OLFM1: variants seen among roughly 807,000 people sequenced by gnomAD.
OLFM1 encodes noelin.
OLFM1 carries 9 observed loss-of-function variants against 49.7 expected under a neutral mutation model. The ratio of observed to expected loss-of-function variants is 0.18; its 90% CI spans 0.11 to 0.32. The LOEUF (loss-of-function observed/expected upper bound fraction) is 0.32, where lower values mean the gene tolerates loss of function less well. Among genes scored for constraint, OLFM1 ranks in the 10% least tolerant of loss-of-function variants. The pLI, the probability that OLFM1 is intolerant of heterozygous loss-of-function variation, is 1.00. For missense variants in OLFM1, 369 were observed against 661.8 expected (o/e 0.56, Z 4.85); for synonymous variants, 240 against 271.8 (o/e 0.88, Z 1.15).
rs1830832101 is a variant in OLFM1, at chr9:135,098,722, G to A, written c.676+217G>A. On this transcript the variant is annotated intron_variant, in intron 4 of 5. Transcript: ENST00000371793. This position sits in a 1 kb window ranked among gnomAD's most constrained non-coding sequence, Gnocchi z 5.6. ...TGTTCAGAGCCGGGTCTTGTGCAGA[G>A]GCCACAGACCCCGCTGAGTCGCACA... 6.6e-6 allele frequency among the ~76,000 whole-genome samples: 1 copy of A among 152,180 alleles called. No individual in the cohort carries two copies. Among genetic ancestry groups the A allele is most frequent in the South Asian group, 2.1e-4 (1 of 4,830 alleles).
chr9:135,112,193 A>G (rs1372233825), intron 5 of OLFM1, among the ~76,000 whole-genome samples: 3 of 149,876 alleles, frequency 2.0e-5, no homozygotes, highest in East Asian at 2.0e-4. Context: ...AGGGAGGGAC[A>G]TGCACTGGCC....
exon 1 of OLFM1, chr9:135,075,565 C>G (rs1830451426): frequency 2.1e-6 from 1 of 487,532 alleles, no homozygotes; most frequent in Admixed American, 4.5e-5. Flanking sequence ...CAGCAGAGCC[C>G]GCGCGCCGCC....
chr9:135,115,737 T>C (rs904068278), intron 5 of OLFM1, among the ~76,000 whole-genome samples: 2 of 152,240 alleles, frequency 1.3e-5, no homozygotes, highest in Non-Finnish European at 2.9e-5. Flanking sequence ...AGCTCAGGGT[T>C]TGGAGTCCCC....
In OLFM1 at chr9:135,090,201, C is replaced by T. The variant is rs374162661; in HGVS notation, c.157C>T (p.Pro53Ser). ...GTLDRSTGVL[P>S]TNPEESWQVY... is the part of the protein sequence containing the mutation. ...CCGCCCCGCCCCTCTCCAGGTGCTG[C>T]CCACCAACCCTGAGGAGAGCTGGCA... The change falls in exon 2 of 6, where the codon CCC (proline) becomes TCC (serine). Residue 53 changes from proline to serine, a missense_variant. This residue lies in a region of OLFM1 where 55 missense variants were observed against 53.3 expected (regional missense o/e 1.03). Coordinates refer to ENST00000371793, the MANE Select transcript of OLFM1 (RefSeq NM_001282611.2). 17 of 1,606,650 alleles carry T rather than the reference C, an allele frequency of 1.1e-5. No individual in the cohort carries two copies. Among genetic ancestry groups the T allele is most frequent in the Non-Finnish European group, 1.4e-5 (16 of 1,174,294 alleles).
At chr9:135,097,085 A>G (rs2769628) in intron 3 of OLFM1, among the ~76,000 whole-genome samples, 61,256 of 152,066 alleles carry the variant, frequency 0.4, 12,867 homozygotes, top group East Asian at 0.56. Context: ...TCGCCCGACT[A>G]GAAACTGCTG....
intron 1 of OLFM1, chr9:135,076,946 G>T (rs987782146): frequency 1.9e-6 from 3 of 1,550,638 alleles, no homozygotes; most frequent in Non-Finnish European, 2.6e-6. Flanking sequence ...TGCCCAGGAT[G>T]TGCAGTCCAA....
At chr9:135,097,677 G>T in intron 3 of OLFM1, 1 of 935,896 alleles carries the variant, frequency 1.1e-6, no homozygotes, top group Non-Finnish European at 1.8e-6. Flanking sequence ...ATTACAGTGG[G>T]ATTTTTCTAA....
rs997110139 is a variant in OLFM1 at position 135,098,467 on chromosome 9, A to G, written c.638A>G (p.Asn213Ser). The part of the protein sequence containing the change: ...DYDELQSRVS[N>S]LEERLRACMQ... ...GATGAACTTCAGAGCAGAGTGTCCAATCTTGAAGAAAGGCTCCGTGCATGC... is the reference window on the plus strand; with the variant it reads ...GATGAACTTCAGAGCAGAGTGTCCAGTCTTGAAGAAAGGCTCCGTGCATGC... The change falls in exon 4 of 6, where the codon AAT becomes AGT. Residue 213 changes from asparagine to serine, a missense_variant. Asn to Ser is a conservative substitution (Grantham distance 46). Coordinates refer to ENST00000371793, the MANE Select transcript of OLFM1 (RefSeq NM_001282611.2). This position sits in a 1 kb window ranked among gnomAD's most constrained non-coding sequence, Gnocchi z 5.6. 1 of 1,613,806 alleles carries G rather than the reference A, an allele frequency of 6.2e-7. No homozygotes were observed. The highest frequency in any genetic ancestry group is 1.1e-5 in the South Asian group (1 of 91,086).
chr9:135,075,783 T>C, exon 1 of OLFM1: 2 of 1,606,910 alleles, frequency 1.2e-6, no homozygotes, highest in Non-Finnish European at 1.7e-6. Context: ...CTCATCCTGA[T>C]GGGCACTGAA....
chr9:135,106,947 C>G, intron 5 of OLFM1, 92 bp downstream of exon 5: 1 of 1,002,502 alleles, frequency 1.0e-6, no homozygotes, highest in Non-Finnish European at 1.5e-6. Context: ...GCCACGCCCA[C>G]CCTCCAGGGC....
chr9:135,115,733 G>C (rs1050713566), intron 5 of OLFM1, among the ~76,000 whole-genome samples: 12 of 152,372 alleles, frequency 7.9e-5, no homozygotes, highest in African/African-American at 2.6e-4. Context: ...TTCAAGCTCA[G>C]GGTTTGGAGT....
At chr9:135,078,630 G>A (rs1419223515) in intron 1 of OLFM1, among the ~76,000 whole-genome samples, 4 of 152,242 alleles carry the variant, frequency 2.6e-5, no homozygotes, top group Non-Finnish European at 5.9e-5. Context: ...TAGAGAAGCA[G>A]GGTAAAGTGG....
chr9:135,076,405 C>T, intron 1 of OLFM1: 3 of 1,487,186 alleles, frequency 2.0e-6, no homozygotes, highest in Non-Finnish European at 2.7e-6. Flanking sequence ...GAGTGAGGAG[C>T]CCTGTGGCGT....
chr9:135,082,934 C>T (rs1830550700), upstream of OLFM1, among the ~76,000 whole-genome samples: 1 of 152,172 alleles, frequency 6.6e-6, no homozygotes, highest in South Asian at 2.1e-4. Context: ...ATGCAAAGAA[C>T]TTTGTTTGGA....
At chr9:135,093,419 A>T (rs1016106094) in intron 2 of OLFM1, among the ~76,000 whole-genome samples, 4 of 152,198 alleles carry the variant, frequency 2.6e-5, no homozygotes, top group Non-Finnish European at 5.9e-5. Flanking sequence ...TGGTCTCCCT[A>T]TGTGTAAAAT....
At chr9:135,076,419 G>C in intron 1 of OLFM1, 1 of 1,466,092 alleles carries the variant, frequency 6.8e-7, no homozygotes, top group Non-Finnish European at 9.0e-7. Flanking sequence ...GTGGCGTGCT[G>C]GTGTGGGGAT....
chr9:135,081,085 G>A (rs1252773972), intron 1 of OLFM1, among the ~76,000 whole-genome samples: 17 of 152,146 alleles, frequency 1.1e-4, no homozygotes, highest in Non-Finnish European at 2.2e-4. Flanking sequence ...CGCATGTCAC[G>A]AGTGTAAACT....
chr9:135,078,190 C>A (rs1830491677), intron 1 of OLFM1, among the ~76,000 whole-genome samples: 1 of 152,208 alleles, frequency 6.6e-6, no homozygotes, highest in Non-Finnish European at 1.5e-5. Flanking sequence ...CATGTCTGGG[C>A]TTCAGGATAG....
Position 135,104,846 on chromosome 9 carries a change from G to A in OLFM1, c.677-1903G>A, listed in dbSNP as rs1011936149. The stretch of plus-strand genomic sequence containing the variant: ...GCTCCTCCAGGGCCTTAGTGAAGCC[G>A]CCCTGAGCTCCACCTCTCCGCCAGC... On this transcript the variant is annotated intron_variant, in intron 4 of 5. Coordinates refer to ENST00000371793, the MANE Select transcript of OLFM1 (RefSeq NM_001282611.2). Among the ~76,000 whole-genome samples the A allele has an allele frequency of 8.5e-5, 13 of 152,298 alleles. No homozygotes were observed. In the South Asian group the frequency reaches 1.0e-3, roughly 12 times the overall value.
Sources: gnomAD v4.1 joint callset for allele counts (sites outside exome capture counted in the v4.1 genomes callset) on GRCh38, gnomAD v4.1.1 for gene constraint, gnomAD v4.1.1 regional missense constraint, Gnocchi (gnomAD v3.1) non-coding constraint, MANE v1.5 for transcripts, NCBI Gene and HGNC (gene_info 2026-07-23, HGNC 2026-07-21) for gene names.